Variants in CDC42BPB observed in about 807,000 individuals in gnomAD.
CDC42BPB encodes the protein CDC42 binding protein kinase beta.
Under a neutral mutation model 214.9 loss-of-function variants are expected in CDC42BPB, and 37 were observed. That is an observed-to-expected ratio of 0.17 (90% CI 0.13 to 0.23). CDC42BPB has a LOEUF of 0.23. Among genes scored for constraint, CDC42BPB ranks in the 10% least tolerant of loss-of-function variants. The pLI is 1.00. For synonymous variants in CDC42BPB, 931 were observed against 884.0 expected, an observed-to-expected ratio of 1.05 and a Z score of -0.94; for missense variants, 1,694 against 2,227.0, an observed-to-expected ratio of 0.76 and a Z score of 4.82.
At chr14:102,994,141 G>A (rs1894618564) in intron 5 of CDC42BPB, among the ~76,000 whole-genome samples, 1 of 152,064 alleles carries the variant, frequency 6.6e-6, no homozygotes, top group Non-Finnish European at 1.5e-5. Context: ...GGAATGCAAC[G>A]ACCAGAGTCC....
chr14:103,018,413 T>C (rs1054616957), intron 1 of CDC42BPB, among the ~76,000 whole-genome samples: 10 of 152,284 alleles, frequency 6.6e-5, no homozygotes, highest in Admixed American at 5.9e-4. Context: ...TTGGAAAACT[T>C]AGAGGGGCAA....
At chr14:103,002,377 C>G (rs1895028783) in intron 4 of CDC42BPB, among the ~76,000 whole-genome samples, 3 of 152,328 alleles carry the variant, frequency 2.0e-5, no homozygotes, top group South Asian at 2.1e-4. Flanking sequence ...TTCACAGGGG[C>G]TCCTAACTGA....
intron 26 of CDC42BPB, among the ~76,000 whole-genome samples, chr14:102,949,214 T>C (rs976326283): frequency 6.6e-6 from 1 of 152,122 alleles, no homozygotes; most frequent in Non-Finnish European, 1.5e-5. Flanking sequence ...ACTGTCCTCT[T>C]CTCACTAACA....
At chr14:102,940,403 G>A (rs1891839498) in intron 30 of CDC42BPB, 79 bp from the exon 31 acceptor site, 1 of 1,543,024 alleles carries the variant, frequency 6.5e-7, no homozygotes, top group Non-Finnish European at 8.8e-7. Context: ...GCCAAGCCTT[G>A]GCACTTGAAC....
intron 5 of CDC42BPB, among the ~76,000 whole-genome samples, chr14:102,992,112 T>A (rs921036716): frequency 6.6e-6 from 1 of 151,848 alleles, no homozygotes; most frequent in Non-Finnish European, 1.5e-5. Flanking sequence ...GTGGGGGGGA[T>A]GAGGGGTGGT....
chr14:103,007,351 C>T (rs1885892568), intron 3 of CDC42BPB, among the ~76,000 whole-genome samples: 2 of 152,090 alleles, frequency 1.3e-5, no homozygotes, highest in African/African-American at 2.4e-5. Flanking sequence ...TAACACCCAC[C>T]AAGTTAATAA....
At chr14:103,009,994 G>C (rs927682281) in intron 2 of CDC42BPB, among the ~76,000 whole-genome samples, 1 of 152,108 alleles carries the variant, frequency 6.6e-6, no homozygotes, top group Non-Finnish European at 1.5e-5. Flanking sequence ...AAGAAAAAAA[G>C]AAAACAACTA....
intron 19 of CDC42BPB, among the ~76,000 whole-genome samples, chr14:102,964,010 ACTG>A (rs1893074161): frequency 5.6e-5 from 1 of 17,712 alleles, no homozygotes; most frequent in African/African-American, 1.2e-4. Flanking sequence ...GCAAATACTG[ACTG>A]AATCACTGCT....
intron 36 of CDC42BPB, among the ~76,000 whole-genome samples, chr14:102,937,452 T>C (rs1364939908): frequency 6.6e-6 from 1 of 152,226 alleles, no homozygotes; most frequent in Non-Finnish European, 1.5e-5. Context: ...ATCTCAGTGC[T>C]GGGGCTGAGA....
At chr14:103,000,034 T>C (rs1210045109) in intron 4 of CDC42BPB, among the ~76,000 whole-genome samples, 1 of 152,208 alleles carries the variant, frequency 6.6e-6, no homozygotes, top group Non-Finnish European at 1.5e-5. Flanking sequence ...GCACAGTTAA[T>C]AGCCCATCAA....
At chr14:102,974,459 G>T in intron 11 of CDC42BPB, 2 of 719,764 alleles carry the variant, frequency 2.8e-6, no homozygotes, top group Non-Finnish European at 3.4e-6. Context: ...TCTAACCTGT[G>T]TCACCCAGCA....
chr14:102,936,427 G>C (rs1018422983), intron 36 of CDC42BPB, among the ~76,000 whole-genome samples: 2 of 152,180 alleles, frequency 1.3e-5, no homozygotes, highest in South Asian at 4.1e-4. Context: ...AGAAACGCCA[G>C]CACTGATGCA....
rs1192927156 is a variant in CDC42BPB, at chr14:102,932,885, GGC to G, written c.*825_*826del. 11 of 122,622 alleles carry G rather than the reference GGC, an allele frequency of 9.0e-5. 1 individual carries two copies. Among genetic ancestry groups the G allele is most frequent in the African/African-American group, 3.7e-4 (11 of 29,644 alleles). 7.6% of individuals were successfully genotyped at this position (122,622 alleles called of 1,614,324 possible). On this transcript the variant is annotated 3_prime_UTR_variant, in exon 37 of 37. Transcript: ENST00000361246. Reference sequence around the variant, plus strand: ...CGGGGGCAGGACTGGTGGGGGGGGGGGCGGGCAGGGCGGGGCGGGGTGGGGTA... The same window carrying G: ...CGGGGGCAGGACTGGTGGGGGGGGGGGGGCAGGGCGGGGCGGGGTGGGGTA...
intron 1 of CDC42BPB, among the ~76,000 whole-genome samples, chr14:103,024,825 C>G (rs1013176397): frequency 6.6e-5 from 10 of 152,172 alleles, no homozygotes; most frequent in African/African-American, 2.2e-4. Context: ...GTGATCTGCC[C>G]ACCTCGGCCT....
At chr14:102,965,007 C>T (rs1413374828) in intron 18 of CDC42BPB, among the ~76,000 whole-genome samples, 1 of 151,916 alleles carries the variant, frequency 6.6e-6, no homozygotes, top group Non-Finnish European at 1.5e-5. Flanking sequence ...CTTACCGCGA[C>T]CTCCGCCTCT....
At position 102,972,145 on chromosome 14, in the gene CDC42BPB, G is replaced by A; in HGVS notation, c.1658C>T (p.Ser553Leu). 2 of 1,614,184 alleles carry A rather than the reference G, an allele frequency of 1.2e-6. No homozygotes were observed. Among genetic ancestry groups the A allele is most frequent in the Non-Finnish European group, 1.7e-6 (2 of 1,179,980 alleles). The part of the protein sequence containing the change: ...EELHKQLVEA[S>L]ERLKSQAKEL... ...CTTGGCCTGGGATTTCAACCGCTCTGAGGCTTCAACCAGTTGCTGAACAAA... is the reference window on the plus strand; with the variant it reads ...CTTGGCCTGGGATTTCAACCGCTCTAAGGCTTCAACCAGTTGCTGAACAAA... Residue 553 changes from serine (S) to leucine (L), a missense_variant, in exon 13 of 37, where the codon TCA (serine) becomes TTA (leucine). By Grantham distance (145) the Ser-to-Leu change is moderately radical (BLOSUM62 -2). Around this residue, in one of 7 missense-constraint regions of CDC42BPB, gnomAD observed 462 missense variants for 513.5 expected, o/e 0.90. Transcript: ENST00000361246.
intron 1 of CDC42BPB, among the ~76,000 whole-genome samples, chr14:103,038,759 G>A (rs932008752): frequency 1.4e-5 from 2 of 147,736 alleles, no homozygotes; most frequent in East Asian, 4.0e-4. Flanking sequence ...AGCTGGTCTC[G>A]AACTCCTGGA....
chr14:103,016,113 T>TC (rs1225860719), intron 1 of CDC42BPB, among the ~76,000 whole-genome samples: 4 of 152,272 alleles, frequency 2.6e-5, no homozygotes, highest in African/African-American at 9.6e-5. Context: ...CGGCACTGGG[T>TC]CTCTGAGCTC....
intron 23 of CDC42BPB, 77 bp downstream of exon 23, chr14:102,954,121 T>C: frequency 3.9e-6 from 4 of 1,017,962 alleles, no homozygotes; most frequent in Non-Finnish European, 6.0e-6. Flanking sequence ...TATACAAAAC[T>C]TATTTTCTAA....
Sources: allele counts gnomAD v4.1 joint callset (sites outside exome capture counted in the v4.1 genomes callset), GRCh38; gene constraint gnomAD v4.1.1; regional missense constraint gnomAD v4.1.1; transcripts MANE v1.5; gene names NCBI Gene and HGNC (gene_info 2026-07-23, HGNC 2026-07-21).